CC2D2B: variants seen among roughly 807,000 people sequenced by gnomAD.
CC2D2B encodes protein CC2D2B.
In CC2D2B, 128 loss-of-function variants were observed where a neutral mutation model predicts 161.2. That is an observed-to-expected ratio of 0.79 (90% CI 0.69 to 0.92). The LOEUF is 0.92. CC2D2B is among the 40% of genes least tolerant of loss of function. CC2D2B has a pLI of 0.00. For missense variants in CC2D2B, 1,173 were observed against 1,375.1 expected (o/e 0.85, Z 2.32); for synonymous variants, 391 against 449.8 (o/e 0.87, Z 1.65).
intron 26 of CC2D2B, among the ~76,000 whole-genome samples, 166 bp downstream of exon 26, chr10:96,010,089 T>A (rs1272113431): frequency 6.6e-6 from 1 of 152,222 alleles, no homozygotes; most frequent in Non-Finnish European, 1.5e-5. Context: ...AGATTTGAAC[T>A]GTCTCTGGAG....
chr10:95,955,831 T>C (rs529571134), intron 11 of CC2D2B, among the ~76,000 whole-genome samples: 38 of 152,314 alleles, frequency 2.5e-4, no homozygotes, highest in South Asian at 1.5e-3. Context: ...CAAGATATAT[T>C]ATTATTTCAG....
chr10:96,029,241 CATATATATATATATATATAT>C (rs56195141), intron 34 of CC2D2B, among the ~76,000 whole-genome samples: 4,397 of 67,196 alleles, frequency 0.065, 179 homozygotes, highest in South Asian at 0.2. Context: ...TTTCATGTAC[CATATATATATATATATATAT>C]ATATATATAT....
intron 29 of CC2D2B, 78 bp from the exon 30 acceptor site, chr10:96,016,123 G>C: frequency 1.2e-6 from 1 of 861,298 alleles, no homozygotes; most frequent in Non-Finnish European, 1.9e-6. Context: ...CAGGTGCTCC[G>C]CATCAGTTGG....
At chr10:95,941,579 A>G (rs1024477236) in intron 9 of CC2D2B, among the ~76,000 whole-genome samples, 2 of 152,202 alleles carry the variant, frequency 1.3e-5, no homozygotes, top group African/African-American at 4.8e-5. Flanking sequence ...ACAGACATAT[A>G]AAACATGCCT....
At chr10:95,971,294 C>T (rs2077120026) in intron 15 of CC2D2B, among the ~76,000 whole-genome samples, 2 of 149,744 alleles carry the variant, frequency 1.3e-5, no homozygotes, top group Admixed American at 6.8e-5. Context: ...GAGGCTGAGG[C>T]AGGAGAATTG....
chr10:95,995,043 C>A (rs529169906), intron 22 of CC2D2B, among the ~76,000 whole-genome samples: 2 of 152,060 alleles, frequency 1.3e-5, no homozygotes, highest in African/African-American at 4.8e-5. Flanking sequence ...TTATCATAGA[C>A]GAGATCTAAT....
chr10:95,975,614 C>T (rs1418864308), intron 17 of CC2D2B, among the ~76,000 whole-genome samples: 5 of 152,118 alleles, frequency 3.3e-5, no homozygotes, highest in Non-Finnish European at 7.4e-5. Context: ...AGTATAAGGT[C>T]CTTCAGAGTC....
At chr10:95,966,954 T>C (rs910557780) in intron 14 of CC2D2B, among the ~76,000 whole-genome samples, 5 of 152,108 alleles carry the variant, frequency 3.3e-5, no homozygotes, top group Non-Finnish European at 7.4e-5. Context: ...AAAGAGGATA[T>C]GGCAACTTAG....
At position 95,950,206 on chromosome 10, in the gene CC2D2B, A is replaced by G. The variant is rs185170696; in HGVS notation, c.1011+101A>G. The G allele has an allele frequency of 6.6e-5, 26 of 396,724 alleles. 2 individuals are homozygous for G. Among genetic ancestry groups the G allele is most frequent in the African/African-American group, 3.9e-4 (19 of 48,688 alleles). The allele number at this position is 396,724 out of a possible 1,614,324, so 24.6% of individuals were successfully genotyped here. A position where few individuals can be genotyped will look rare whatever the true frequency, so the allele number is the denominator to read the frequency against. On this transcript the variant is annotated intron_variant, in intron 10 of 34. Transcript: ENST00000646931. ...CAGAACATTTTCTAAATATTTAAGTAGAACAATGGTTCAATTTCAGTTTCT... is the reference window on the plus strand; with the variant it reads ...CAGAACATTTTCTAAATATTTAAGTGGAACAATGGTTCAATTTCAGTTTCT...
intron 12 of CC2D2B, among the ~76,000 whole-genome samples, chr10:95,963,104 C>T (rs1468224056): frequency 1.3e-5 from 2 of 152,162 alleles, no homozygotes; most frequent in Non-Finnish European, 1.5e-5. Flanking sequence ...ATTTGTCTCT[C>T]CAGACTGCCT....
chr10:95,932,637 G>A lies in CC2D2B; in HGVS notation c.336+5305G>A, dbSNP rs567659711. Among the ~76,000 whole-genome samples the A allele has an allele frequency of 7.9e-5, 12 of 152,232 alleles. No homozygotes were observed. The East Asian group carries it at 1.7e-3, about 22-fold the overall frequency. On this transcript the variant is annotated intron_variant, in intron 6 of 34. Coordinates refer to ENST00000646931, the MANE Select transcript of CC2D2B (RefSeq NM_001349008.3). ...AGGATTTTATTTCTCCTTAGCTTAC[G>A]AAGTTTAGTTTGGCTGAATATGAAA...
chr10:96,016,380 A>G, intron 30 of CC2D2B, 66 bp downstream of exon 30: 1 of 1,087,072 alleles, frequency 9.2e-7, no homozygotes, highest in Non-Finnish European at 1.4e-6. Context: ...CTGCAAGTTT[A>G]GAAGACTTCA....
intron 34 of CC2D2B, among the ~76,000 whole-genome samples, chr10:96,029,269 T>TAC (rs1564689137): frequency 3.8e-4 from 27 of 71,906 alleles, no homozygotes; most frequent in Non-Finnish European, 6.1e-4. Context: ...TATATATATA[T>TAC]ATATATATAT....
chr10:95,961,240 C>T (rs1271352686), intron 11 of CC2D2B, among the ~76,000 whole-genome samples: 1 of 152,084 alleles, frequency 6.6e-6, no homozygotes, highest in South Asian at 2.1e-4. Flanking sequence ...AATCTTGTAG[C>T]GTTCTGGCAG....
chr10:95,911,519 T>C (rs2098506336), intron 2 of CC2D2B, among the ~76,000 whole-genome samples, 160 bp downstream of exon 2: 1 of 152,174 alleles, frequency 6.6e-6, no homozygotes, highest in Admixed American at 6.5e-5. Context: ...ATGAATTGTA[T>C]TCTTATTTGG....
chr10:96,010,258 G>A (rs2078928631), intron 26 of CC2D2B, among the ~76,000 whole-genome samples: 1 of 152,142 alleles, frequency 6.6e-6, no homozygotes, highest in Admixed American at 6.6e-5. Flanking sequence ...GTTTCAGCTT[G>A]TCAACACTGT....
At chr10:95,987,560 C>T (rs2077780682) in intron 19 of CC2D2B, among the ~76,000 whole-genome samples, 1 of 151,920 alleles carries the variant, frequency 6.6e-6, no homozygotes, top group Non-Finnish European at 1.5e-5. Flanking sequence ...TTTCCAAGTG[C>T]ATTGGGGATA....
intron 19 of CC2D2B, among the ~76,000 whole-genome samples, chr10:95,987,337 TA>T (rs1286805591): frequency 6.6e-6 from 1 of 151,908 alleles, no homozygotes; most frequent in Non-Finnish European, 1.5e-5. Context: ...AAAAAAAATG[TA>T]AATAACGTGA....
At chr10:95,927,185 C>T in intron 5 of CC2D2B, 52 bp from the exon 6 acceptor site, 2 of 1,023,394 alleles carry the variant, frequency 2.0e-6, no homozygotes, top group South Asian at 2.9e-5. Flanking sequence ...ATTTCCTTTA[C>T]TTATAAGCAG....
Sources: gnomAD v4.1 joint callset for allele counts (sites outside exome capture counted in the v4.1 genomes callset) on GRCh38, gnomAD v4.1.1 for gene constraint, MANE v1.5 for transcripts, NCBI Gene and HGNC (gene_info 2026-07-23, HGNC 2026-07-21) for gene names.